The following FA2H variants were observed in gnomAD, a reference collection of about 807,000 sequenced individuals.
The protein encoded by FA2H is fatty acid alpha-hydroxylase.
A neutral mutation model predicts 44.9 loss-of-function variants in FA2H; 22 were observed. The ratio of observed to expected loss-of-function variants is 0.49; its 90% CI spans 0.35 to 0.70. The LOEUF (loss-of-function observed/expected upper bound fraction) is 0.70, where lower values mean the gene tolerates loss of function less well. Among genes scored for constraint, FA2H ranks in the 30% least tolerant of loss-of-function variants. The pLI, the probability that FA2H is intolerant of heterozygous loss-of-function variation, is 0.01. For missense variants in FA2H, 501 were observed against 504.9 expected, an observed-to-expected ratio of 0.99 and a Z score of 0.07; for synonymous variants, 243 against 213.2, an observed-to-expected ratio of 1.14 and a Z score of -1.22.
intron 1 of FA2H, among the ~76,000 whole-genome samples, chr16:74,765,412 C>T (rs1352673096): frequency 6.6e-6 from 1 of 152,210 alleles, no homozygotes; most frequent in Non-Finnish European, 1.5e-5. Context: ...CTGCCTTGGC[C>T]TCCCAAAGTG....
chr16:74,720,841 G>A (rs1961820022), intron 4 of FA2H, among the ~76,000 whole-genome samples: 1 of 152,122 alleles, frequency 6.6e-6, no homozygotes, highest in African/African-American at 2.4e-5. Flanking sequence ...TATGACATAT[G>A]GTCTTTTATG....
Position 74,716,528 on chromosome 16 carries a change from C to A in FA2H, c.858G>T (p.Leu286Phe). ...CCTCGGGCAGGATGAGCTGCATGCA[C>A]AAGTAGAAGACGCCGATCACCAGGG... ...PASLVIGVFY[L>F]CMQLILPEAV... The change falls in exon 6 of 7, where the codon TTG becomes TTT. Residue 286 changes from leucine to phenylalanine, a missense_variant. Coordinates refer to ENST00000219368, the MANE Select transcript of FA2H (RefSeq NM_024306.5). The A allele has an allele frequency of 6.2e-7, 1 of 1,612,348 alleles. No individual in the cohort carries two copies. The highest frequency in any genetic ancestry group is 8.5e-7 in the Non-Finnish European group (1 of 1,179,362).
intron 1 of FA2H, among the ~76,000 whole-genome samples, chr16:74,752,266 T>C (rs1962540377): frequency 6.6e-6 from 1 of 152,172 alleles, no homozygotes; most frequent in African/African-American, 2.4e-5. Flanking sequence ...CAGAGCTAAC[T>C]GATCAAATGT....
intron 1 of FA2H, among the ~76,000 whole-genome samples, chr16:74,755,497 A>G (rs1962596152): frequency 6.6e-6 from 1 of 152,222 alleles, no homozygotes; most frequent in African/African-American, 2.4e-5. Context: ...GATGGCCAAC[A>G]TAATATCACT....
intron 2 of FA2H, among the ~76,000 whole-genome samples, chr16:74,730,320 G>C (rs1962048665): frequency 6.6e-6 from 1 of 152,038 alleles, no homozygotes; most frequent in Non-Finnish European, 1.5e-5. Flanking sequence ...GGTGGGGGTT[G>C]GGGGGTTCAC....
intron 1 of FA2H, among the ~76,000 whole-genome samples, chr16:74,769,757 G>A (rs1962872019): frequency 6.6e-6 from 1 of 152,210 alleles, no homozygotes; most frequent in Non-Finnish European, 1.5e-5. Flanking sequence ...CTGCTAACAT[G>A]TGGCTGCAGC....
chr16:74,751,200 T>C (rs1962520745), intron 1 of FA2H, among the ~76,000 whole-genome samples: 1 of 152,138 alleles, frequency 6.6e-6, no homozygotes, highest in Non-Finnish European at 1.5e-5. Context: ...GTTCAAGCGA[T>C]CCTCCTGCCT....
chr16:74,735,189 G>T (rs116393820), intron 2 of FA2H, among the ~76,000 whole-genome samples: 2,895 of 152,358 alleles, frequency 0.019, 94 homozygotes, highest in African/African-American at 0.066. Flanking sequence ...CGGCCAGGAG[G>T]CCTCCTGTCA....
intron 1 of FA2H, among the ~76,000 whole-genome samples, chr16:74,740,670 A>AT (rs58111566): frequency 0.012 from 1,778 of 145,840 alleles, 15 homozygotes; most frequent in East Asian, 0.021. Flanking sequence ...AATAATAATA[A>AT]AATTTCTGCA....
At chr16:74,722,851 T>C (rs1190655966) in intron 4 of FA2H, among the ~76,000 whole-genome samples, 1 of 145,602 alleles carries the variant, frequency 6.9e-6, no homozygotes, top group Non-Finnish European at 1.5e-5. Flanking sequence ...GCAGAGGTTG[T>C]GGTGAGCCAA....
At chr16:74,741,152 G>A (rs1962287522) in intron 1 of FA2H, 1 of 152,276 alleles carries the variant, frequency 6.6e-6, no homozygotes, top group Admixed American at 6.5e-5. Context: ...TGGCACGTAA[G>A]TGAAACCCAT....
At position 74,740,463 on chromosome 16, in the gene FA2H, A is replaced by G. The variant is rs962798255; in HGVS notation, c.271-348T>C. ...GAAAACCTGTCTCTACTAAAAATAC[A>G]AAAAAAGTTTACCAGGCGTGGTGGT... On this transcript the variant is annotated intron_variant, in intron 1 of 6. Transcript: ENST00000219368. 3.3e-5 allele frequency among the ~76,000 whole-genome samples: 5 copies of G among 151,740 alleles called. No homozygotes were observed. The South Asian group carries it at 1.0e-3, about 32-fold the overall frequency.
At chr16:74,753,543 A>G (rs1962565466) in intron 1 of FA2H, among the ~76,000 whole-genome samples, 1 of 152,058 alleles carries the variant, frequency 6.6e-6, no homozygotes, top group Non-Finnish European at 1.5e-5. Context: ...GGTGGCACGC[A>G]CCTGTAATAA....
chr16:74,731,777 T>A (rs1216098617), intron 2 of FA2H, among the ~76,000 whole-genome samples: 2 of 152,268 alleles, frequency 1.3e-5, no homozygotes, highest in East Asian at 3.8e-4. Flanking sequence ...ATTGACTTTT[T>A]AGCTATGCTT....
At chr16:74,757,871 T>C (rs13330685) in intron 1 of FA2H, among the ~76,000 whole-genome samples, 12,216 of 151,996 alleles carry the variant, frequency 0.08, 769 homozygotes, top group East Asian at 0.33. Flanking sequence ...ATACAAAGAC[T>C]AGCTGGGAGT....
At chr16:74,725,284 G>C (rs999336468) in intron 4 of FA2H, among the ~76,000 whole-genome samples, 2 of 152,224 alleles carry the variant, frequency 1.3e-5, no homozygotes, top group Admixed American at 6.5e-5. Context: ...CTTGCAGAGT[G>C]CAGGGAAAAG....
At chr16:74,733,737 T>C (rs973268677) in intron 2 of FA2H, among the ~76,000 whole-genome samples, 3 of 152,054 alleles carry the variant, frequency 2.0e-5, no homozygotes, top group Non-Finnish European at 4.4e-5. Flanking sequence ...GCAAGACACA[T>C]TTCGCTTCCT....
Position 74,716,518 on chromosome 16 carries a change from G to C in FA2H, c.868C>G (p.Leu290Val). The C allele has an allele frequency of 6.2e-7, 1 of 1,613,246 alleles. No homozygotes were observed. The highest frequency in any genetic ancestry group is 8.5e-7 in the Non-Finnish European group (1 of 1,179,732). ...CCCCCTACTGCCTCGGGCAGGATGA[G>C]CTGCATGCACAAGTAGAAGACGCCG... is the stretch of plus-strand genomic sequence containing the variant. Reference protein sequence around the residue: ...VIGVFYLCMQLILPEAVGGTV... With the variant: ...VIGVFYLCMQVILPEAVGGTV... The change falls in exon 6 of 7, where the codon CTC becomes GTC. Residue 290 changes from leucine (L) to valine (V), a missense_variant. By Grantham distance (32) the Leu-to-Val change is conservative. Coordinates refer to ENST00000219368, the MANE Select transcript of FA2H (RefSeq NM_024306.5).
intron 1 of FA2H, among the ~76,000 whole-genome samples, chr16:74,757,221 G>A (rs182991303): frequency 6.6e-6 from 1 of 152,228 alleles, no homozygotes; most frequent in Non-Finnish European, 1.5e-5. Context: ...TACTAAAAAC[G>A]TGCAAAAAGT....
Sources: allele counts gnomAD v4.1 joint callset (sites outside exome capture counted in the v4.1 genomes callset), GRCh38; gene constraint gnomAD v4.1.1; transcripts MANE v1.5; gene names NCBI Gene and HGNC (gene_info 2026-07-23, HGNC 2026-07-21).